The following HAPLN4 variants were observed in gnomAD, a reference collection of about 807,000 sequenced individuals.
HAPLN4 encodes the protein brain link protein 2.
In HAPLN4, 19 loss-of-function variants were observed where a neutral mutation model predicts 28.0. The observed-to-expected ratio is 0.68, with a 90% CI of 0.47 to 1.00. The LOEUF (loss-of-function observed/expected upper bound fraction) is 1.00. Among genes scored for constraint, HAPLN4 ranks in the 50% least tolerant of loss-of-function variants. The pLI is 0.00. For missense variants in HAPLN4, 587 were observed against 602.6 expected (o/e 0.97, Z 0.27); for synonymous variants, 274 against 273.0 (o/e 1.00, Z -0.03).
At position 19,260,846 on chromosome 19, in the gene HAPLN4, CT is replaced by C; in HGVS notation, c.450del (p.Asp151MetfsTer26). On this transcript the variant is annotated frameshift_variant, in exon 3 of 5. Transcript: ENST00000291481. LOFTEE classifies it high-confidence loss of function. ...TCCAGCTTGACCATGCCAGCGTCAT[CT>C]TCCAGCTCATTGGTGACTTCGCACT... The part of the protein sequence containing the change: ...RYECEVTNEL[E>X]DDAGMVKLDL... The C allele has an allele frequency of 6.2e-7, 1 of 1,613,132 alleles. No individual in the cohort carries two copies. The highest frequency in any genetic ancestry group is 8.5e-7 in the Non-Finnish European group (1 of 1,179,166).
Position 19,259,705 on chromosome 19 carries a change from A to G in HAPLN4, c.485-850T>C, listed in dbSNP as rs1377264790. ...CTTCAACTAAGCACCTGCCACAGAA[A>G]ATGTCCAGTAAAGGAGAGCTGCTGC... On this transcript the variant is annotated intron_variant, in intron 3 of 4. Coordinates refer to ENST00000291481, the MANE Select transcript of HAPLN4 (RefSeq NM_023002.3). Among the ~76,000 whole-genome samples, 7 of 152,168 alleles carry G rather than the reference A, an allele frequency of 4.6e-5. No homozygotes were observed. The South Asian group carries it at 1.2e-3, about 27-fold the overall frequency.
In HAPLN4 at chr19:19,258,495, G is replaced by C. The variant is rs769419171; in HGVS notation, c.817+28C>G. ...GGGGTTGGGGTAGTGTTGCAGCAGA[G>C]GCCAGTCTTGGGGTGAGGCCTACGC... On this transcript the variant is annotated intron_variant, in intron 4 of 4. Transcript: ENST00000291481. The surrounding 1 kb of genome is among the most constrained non-coding windows in gnomAD (Gnocchi z 6.2). The C allele has an allele frequency of 1.0e-5, 16 of 1,603,294 alleles. No homozygotes were observed. The highest frequency in any genetic ancestry group is 6.7e-5 in the African/African-American group (5 of 74,770).
In HAPLN4 at chr19:19,261,177, T is replaced by G; in HGVS notation, c.122-2A>C. On this transcript the variant is annotated splice_acceptor_variant, in intron 2 of 4. Transcript: ENST00000291481. LOFTEE classifies it high-confidence loss of function. Reference sequence around the variant, plus strand: ...CCACTACCGAGCCCGACTCACCCTCTGAGGACAACCAAGCAGGGTTCAGAG... The same window carrying G: ...CCACTACCGAGCCCGACTCACCCTCGGAGGACAACCAAGCAGGGTTCAGAG... 1 of 1,590,544 alleles carries G rather than the reference T, an allele frequency of 6.3e-7. No homozygotes were observed. The highest frequency in any genetic ancestry group is 8.6e-7 in the Non-Finnish European group (1 of 1,165,456).
chr19:19,259,745 T>C (rs911993815), intron 3 of HAPLN4, among the ~76,000 whole-genome samples: 1 of 152,172 alleles, frequency 6.6e-6, no homozygotes, highest in African/African-American at 2.4e-5. Flanking sequence ...ATTGTTGTTA[T>C]TTGTTATTGT....
In HAPLN4 at chr19:19,258,038, A is replaced by G; in HGVS notation, c.988T>C (p.Tyr330His). 6.5e-7 allele frequency: 1 copy of G among 1,544,838 alleles called. No individual in the cohort carries two copies. The highest frequency in any genetic ancestry group is 8.7e-7 in the Non-Finnish European group (1 of 1,151,340). ...AGWLADGSAR[Y>H]PIVNPRARCG... ...CGCGCTCGCGGGTTCACGATGGGGT[A>G]GCGCGCACTGCCATCGGCCAGCCAA... Residue 330 changes from tyrosine to histidine, a missense_variant, in exon 5 of 5, where the codon TAC (tyrosine) becomes CAC (histidine). Tyr to His is a moderately conservative substitution (Grantham distance 83). Transcript: ENST00000291481. The surrounding 1 kb of genome is among the most constrained non-coding windows in gnomAD (Gnocchi z 6.2).
Position 19,261,000 on chromosome 19 carries a change from G to C in HAPLN4, c.297C>G (p.Phe99Leu). The C allele has an allele frequency of 6.2e-7, 1 of 1,613,734 alleles. No individual in the cohort carries two copies. The highest frequency in any genetic ancestry group is 8.5e-7 in the Non-Finnish European group (1 of 1,179,986). Residue 99 changes from phenylalanine (F) to leucine (L), a missense_variant, in exon 3 of 5, where the codon TTC becomes TTG. By Grantham distance (22) the Phe-to-Leu change is conservative. Coordinates refer to ENST00000291481, the MANE Select transcript of HAPLN4 (RefSeq NM_023002.3). ...CCCGGTGCTGGGGGCCTAGTGCCACGAAGACGTCGGTGAAGGCCAGCGGGT... is the reference window on the plus strand; with the variant it reads ...CCCGGTGCTGGGGGCCTAGTGCCACCAAGACGTCGGTGAAGGCCAGCGGGT... ...VVDPLAFTDV[F>L]VALGPQHRAF...
chr19:19,261,128 C>T lies in HAPLN4; in HGVS notation c.169G>A (p.Val57Ile). The change falls in exon 3 of 5, where the codon GTA (valine) becomes ATA (isoleucine). Residue 57 changes from valine to isoleucine, a missense_variant. Coordinates refer to ENST00000291481, the MANE Select transcript of HAPLN4 (RefSeq NM_023002.3). ...VVVQTAPGQV[V>I]SHRGGTIVLP... ...ACGATGGTGCCACCACGGTGGCTTACCACCTGCCCAGGCGCTGTCTGTACC... is the reference window on the plus strand; with the variant it reads ...ACGATGGTGCCACCACGGTGGCTTATCACCTGCCCAGGCGCTGTCTGTACC... 1.2e-6 allele frequency: 2 copies of T among 1,610,124 alleles called. No individual in the cohort carries two copies. The highest frequency in any genetic ancestry group is 2.2e-5 in the East Asian group (1 of 44,788).
chr19:19,262,791 A>C lies in HAPLN4; in HGVS notation c.-59T>G. The C allele has an allele frequency of 1.3e-6, 2 of 1,589,346 alleles. No homozygotes were observed. Among genetic ancestry groups the C allele is most frequent in the Non-Finnish European group, 1.7e-6 (2 of 1,166,312 alleles). On this transcript the variant is annotated 5_prime_UTR_variant, in exon 1 of 5. Coordinates refer to ENST00000291481, the MANE Select transcript of HAPLN4 (RefSeq NM_023002.3). Reference sequence around the variant, plus strand: ...CGCACCCGGACTGCGCTCCCCGCACACCCGGTTAAGACTGGGCAGGTCCCT... The same window carrying C: ...CGCACCCGGACTGCGCTCCCCGCACCCCCGGTTAAGACTGGGCAGGTCCCT...
chr19:19,259,229 C>G (rs1438690026), intron 3 of HAPLN4, among the ~76,000 whole-genome samples: 1 of 152,156 alleles, frequency 6.6e-6, no homozygotes, highest in African/African-American at 2.4e-5. Flanking sequence ...TACTGGGTCC[C>G]TCCCTCTGGT....
chr19:19,258,614 G>A lies in HAPLN4; in HGVS notation c.726C>T (p.Gly242=), dbSNP rs1486560252. 2.5e-6 allele frequency: 4 copies of A among 1,613,144 alleles called. No individual in the cohort carries two copies. Among genetic ancestry groups the A allele is most frequent in the African/African-American group, 1.3e-5 (1 of 74,986 alleles). ...GLGGTGSAGG[G]GDANGGLRNY... is the part of the protein sequence containing the mutation. ...TGCGCAGGCCCCCGTTGGCATCACC[G>A]CCGCCCCCTGCACTCCCGGTCCCCC... The change falls in exon 4 of 5, where the codon GGC becomes GGT. Residue 242 remains glycine (G), a synonymous_variant. Transcript: ENST00000291481. This position sits in a 1 kb window ranked among gnomAD's most constrained non-coding sequence, Gnocchi z 6.2.
In HAPLN4 at chr19:19,258,537, G is replaced by C; in HGVS notation, c.803C>G (p.Thr268Arg). ...GGCCTACGCACCCGGCAGGTTGGAC[G>C]TGAAGCAGAAGGCGTCGTAGCGTTC... is the stretch of plus-strand genomic sequence containing the variant. ...AEERYDAFCF[T>R]SNLPGRVFFL... The change falls in exon 4 of 5, where the codon ACG (threonine) becomes AGG (arginine). Residue 268 changes from threonine to arginine, a missense_variant. Thr to Arg is a moderately conservative substitution (Grantham distance 71). Transcript: ENST00000291481. The surrounding 1 kb of genome is among the most constrained non-coding windows in gnomAD (Gnocchi z 6.2). 6.2e-7 allele frequency: 1 copy of C among 1,613,478 alleles called. No individual in the cohort carries two copies. Among genetic ancestry groups the C allele is most frequent in the Non-Finnish European group, 8.5e-7 (1 of 1,179,862 alleles).
intron 3 of HAPLN4, among the ~76,000 whole-genome samples, chr19:19,259,523 C>T (rs1259337425): frequency 2.0e-5 from 3 of 151,224 alleles, no homozygotes; most frequent in African/African-American, 4.8e-5. Flanking sequence ...AGGGAGAAGG[C>T]CTGGAGCTGA....
At chr19:19,259,568 C>T (rs1400978728) in intron 3 of HAPLN4, among the ~76,000 whole-genome samples, 1 of 152,204 alleles carries the variant, frequency 6.6e-6, no homozygotes, top group Non-Finnish European at 1.5e-5. Flanking sequence ...CTGCCACCAA[C>T]TAGCACTGTC....
In HAPLN4 at chr19:19,262,711, C is replaced by A. The variant is rs1478525918; in HGVS notation, c.3+19G>T. On this transcript the variant is annotated intron_variant, in intron 1 of 4. Transcript: ENST00000291481. The stretch of plus-strand genomic sequence containing the variant: ...GGGGAGACGGGGCACACACCACCCG[C>A]GCCCGCAGCCCCACTTACCATCTTG... 6.2e-7 allele frequency: 1 copy of A among 1,612,234 alleles called. No homozygotes were observed. Among genetic ancestry groups the A allele is most frequent in the Non-Finnish European group, 8.5e-7 (1 of 1,179,058 alleles).
At position 19,258,854 on chromosome 19, in the gene HAPLN4, G is replaced by T. The variant is rs1012166985; in HGVS notation, c.486C>A (p.Gly162=). The T allele has an allele frequency of 5.2e-6, 8 of 1,546,964 alleles. No individual in the cohort carries two copies. In the Admixed American group the frequency reaches 1.3e-4, roughly 25 times the overall value. ...CACGGGGGTGGTAGGGAAAGACCAC[G>T]CCTGGCGGGGGGCGCACGGGATCAG... ...DAGMVKLDLE[G]VVFPYHPRGG... is the part of the protein sequence containing the mutation. The change falls in exon 4 of 5, where the codon GGC becomes GGA. Residue 162 remains glycine (G), a splice_region_variant and synonymous_variant. Transcript: ENST00000291481. This position sits in a 1 kb window ranked among gnomAD's most constrained non-coding sequence, Gnocchi z 6.2.
intron 1 of HAPLN4, among the ~76,000 whole-genome samples, chr19:19,261,877 G>T (rs886809655): frequency 6.6e-6 from 1 of 152,136 alleles, no homozygotes; most frequent in Non-Finnish European, 1.5e-5. Flanking sequence ...GGATAGGGGG[G>T]TGGGGAAGAG....
chr19:19,256,532 A>T lies in HAPLN4; in HGVS notation c.*1285T>A, dbSNP rs2060966197. 1 of 152,628 alleles carries T rather than the reference A, an allele frequency of 6.6e-6. No individual in the cohort carries two copies. Among genetic ancestry groups the T allele is most frequent in the African/African-American group, 2.4e-5 (1 of 41,428 alleles). 9.5% of individuals were successfully genotyped at this position (152,628 alleles called of 1,614,324 possible). A position where few individuals can be genotyped will look rare whatever the true frequency, so the allele number is the denominator to read the frequency against. ...TGTCCACAAGGAAAAGCCTAGGGGG[A>T]CAGGTGTTCTGTTACCTCGGACTCC... On this transcript the variant is annotated 3_prime_UTR_variant, in exon 5 of 5. Transcript: ENST00000291481.
rs2060966150 is a variant in HAPLN4 at position 19,256,515 on chromosome 19, A to G, written c.*1302T>C. On this transcript the variant is annotated 3_prime_UTR_variant, in exon 5 of 5. Transcript: ENST00000291481. ...GGTGAACAGGGCCCCGTTGTCCACA[A>G]GGAAAAGCCTAGGGGGACAGGTGTT... The G allele has an allele frequency of 6.6e-6, 1 of 152,656 alleles. No individual in the cohort carries two copies. The highest frequency in any genetic ancestry group is 2.4e-5 in the African/African-American group (1 of 41,436). 9.5% of individuals were successfully genotyped at this position (152,656 alleles called of 1,614,324 possible).
rs1418990717 is a variant in HAPLN4, at chr19:19,258,625, C to A, written c.715G>T (p.Ala239Ser). 1 of 1,612,814 alleles carries A rather than the reference C, an allele frequency of 6.2e-7. No homozygotes were observed. The highest frequency in any genetic ancestry group is 8.5e-7 in the Non-Finnish European group (1 of 1,179,554). The change falls in exon 4 of 5, where the codon GCA (alanine) becomes TCA (serine). Residue 239 changes from alanine (A) to serine (S), a missense_variant. By Grantham distance (99) the Ala-to-Ser change is moderately conservative. Transcript: ENST00000291481. The surrounding 1 kb of genome is among the most constrained non-coding windows in gnomAD (Gnocchi z 6.2). ...PCGGLGGTGS[A>S]GGGGDANGGL... ...CCGTTGGCATCACCGCCGCCCCCTG[C>A]ACTCCCGGTCCCCCCCAGGCCGCCG...
Sources: allele counts gnomAD v4.1 joint callset (sites outside exome capture counted in the v4.1 genomes callset), GRCh38; gene constraint gnomAD v4.1.1; non-coding constraint Gnocchi (gnomAD v3.1); transcripts MANE v1.5; gene names NCBI Gene and HGNC (gene_info 2026-07-23, HGNC 2026-07-21).